The following NSMCE2 variants were observed in gnomAD, a reference collection of about 807,000 sequenced individuals.
NSMCE2 encodes NSE2 SUMO ligase component of SMC5/6 complex.
A neutral mutation model predicts 23.8 loss-of-function variants in NSMCE2; 24 were observed. That is an observed-to-expected ratio of 1.01 (90% CI 0.73 to 1.42). NSMCE2 has a LOEUF of 1.42. Among genes scored for constraint, NSMCE2 ranks in the 40% most tolerant of loss-of-function variants. The pLI is 0.00. For missense variants in NSMCE2, 284 were observed against 296.5 expected (o/e 0.96, Z 0.31); for synonymous variants, 92 against 94.1 (o/e 0.98, Z 0.13).
At chr8:125,272,703 T>TATATATATATATATA (rs2131093802) in intron 5 of NSMCE2, among the ~76,000 whole-genome samples, 2 of 123,678 alleles carry the variant, frequency 1.6e-5, no homozygotes, top group East Asian at 3.9e-4. Context: ...ACTTGGGATA[T>TATATATATATATATA]ATATATATAT....
intron 4 of NSMCE2, among the ~76,000 whole-genome samples, chr8:125,156,594 G>T (rs1821325748): frequency 6.6e-6 from 1 of 152,088 alleles, no homozygotes; most frequent in South Asian, 2.1e-4. Context: ...TTCGTTCATG[G>T]ATATGCCCTA....
At position 125,119,863 on chromosome 8, in the gene NSMCE2, ATTAT is replaced by A. The variant is rs148210527; in HGVS notation, c.157+17379_157+17382del. 6.5e-3 allele frequency among the ~76,000 whole-genome samples: 995 copies of A among 152,164 alleles called. 20 individuals carry two copies. Among genetic ancestry groups the A allele is most frequent in the African/African-American group, 0.023 (951 of 41,534 alleles). On this transcript the variant is annotated intron_variant, in intron 3 of 7. Transcript: ENST00000287437. ...CTTCTTTCTGTACTTTATAAATGAA[ATTAT>A]TTGTTATATATAAATGTAAAGCATT... is the stretch of plus-strand genomic sequence containing the variant.
intron 3 of NSMCE2, among the ~76,000 whole-genome samples, chr8:125,128,330 G>T (rs1272265900): frequency 6.6e-6 from 1 of 152,204 alleles, no homozygotes; most frequent in Non-Finnish European, 1.5e-5. Flanking sequence ...CAGCTATTAG[G>T]TAGTAGTGAC....
At chr8:125,211,646 T>C (rs1047907721) in intron 5 of NSMCE2, among the ~76,000 whole-genome samples, 9 of 152,170 alleles carry the variant, frequency 5.9e-5, no homozygotes, top group African/African-American at 2.4e-5. Context: ...TTTAGATTTT[T>C]ACTATGAAAG....
intron 5 of NSMCE2, among the ~76,000 whole-genome samples, chr8:125,337,900 AAAAAAG>A (rs1371862118): frequency 6.6e-6 from 1 of 151,000 alleles, no homozygotes; most frequent in Non-Finnish European, 1.5e-5. Context: ...AAAAAAAAAA[AAAAAAG>A]AAAGAAAGAA....
intron 5 of NSMCE2, among the ~76,000 whole-genome samples, chr8:125,341,042 G>C (rs946772306): frequency 6.6e-6 from 1 of 152,198 alleles, no homozygotes; most frequent in African/African-American, 2.4e-5. Context: ...AATTCAGAGA[G>C]AGGCTTTCCC....
intron 5 of NSMCE2, among the ~76,000 whole-genome samples, chr8:125,290,136 C>T (rs1828051770): frequency 6.6e-6 from 1 of 152,064 alleles, no homozygotes; most frequent in South Asian, 2.1e-4. Flanking sequence ...TAAAATCCAA[C>T]AGATGCATTT....
chr8:125,213,109 A>T (rs1003974312), intron 5 of NSMCE2, among the ~76,000 whole-genome samples: 1 of 152,218 alleles, frequency 6.6e-6, no homozygotes. Context: ...AAAGAAATTA[A>T]GTATTTGGCT....
intron 5 of NSMCE2, among the ~76,000 whole-genome samples, chr8:125,249,347 A>T (rs1826115496): frequency 6.6e-6 from 1 of 152,146 alleles, no homozygotes; most frequent in African/African-American, 2.4e-5. Context: ...GTAAGTTTGG[A>T]TGATAGCATC....
intron 7 of NSMCE2, among the ~76,000 whole-genome samples, chr8:125,364,589 T>C (rs73704952): frequency 0.029 from 4,402 of 152,350 alleles, 200 homozygotes; most frequent in African/African-American, 0.1. Context: ...AGCATAGGGC[T>C]GATCCCTAGA....
chr8:125,127,924 GGTTTGT>G (rs1819589503), intron 3 of NSMCE2, among the ~76,000 whole-genome samples: 2 of 152,166 alleles, frequency 1.3e-5, no homozygotes, highest in Non-Finnish European at 2.9e-5. Context: ...CATGAAACAA[GGTTTGT>G]GTTAAGTACT....
rs117854049 is a variant in NSMCE2 at position 125,321,390 on chromosome 8, T to C, written c.419-35829T>C. Among the ~76,000 whole-genome samples the C allele has an allele frequency of 7.7e-3, 1,177 of 152,308 alleles. 46 individuals carry two copies. The highest frequency in any genetic ancestry group is 0.062 in the Admixed American group (953 of 15,292). ...TAAGGCTAGCAGGGAGAAATGGAAT[T>C]ATACTGTTTTAAGGCTCTTACACTA... On this transcript the variant is annotated intron_variant, in intron 5 of 7. Coordinates refer to ENST00000287437, the MANE Select transcript of NSMCE2 (RefSeq NM_173685.4).
chr8:125,360,256 A>C (rs933827841), intron 7 of NSMCE2, among the ~76,000 whole-genome samples: 12 of 152,332 alleles, frequency 7.9e-5, no homozygotes, highest in African/African-American at 2.9e-4. Flanking sequence ...CAGGAAGTGC[A>C]GCAAGTGTGA....
chr8:125,234,869 TC>T (rs1226091903), intron 5 of NSMCE2, among the ~76,000 whole-genome samples: 1 of 152,120 alleles, frequency 6.6e-6, no homozygotes, highest in Non-Finnish European at 1.5e-5. Context: ...GTCCGCCTAA[TC>T]CCCACCCCAT....
chr8:125,182,078 C>G, intron 4 of NSMCE2, 25 bp from the exon 5 acceptor site: 1 of 1,522,392 alleles, frequency 6.6e-7, no homozygotes, highest in Non-Finnish European at 8.9e-7. Flanking sequence ...ACATTTAACT[C>G]AGGTAATTTT....
chr8:125,113,427 A>G (rs140622830), intron 3 of NSMCE2, among the ~76,000 whole-genome samples: 3 of 152,250 alleles, frequency 2.0e-5, no homozygotes, highest in Non-Finnish European at 4.4e-5. Context: ...CTACAGCAAG[A>G]TATGATTATA....
chr8:125,295,390 AAAATT>A (rs1828282380), intron 5 of NSMCE2, among the ~76,000 whole-genome samples: 1 of 152,206 alleles, frequency 6.6e-6, no homozygotes, highest in East Asian at 1.9e-4. Context: ...ATAAAATTAA[AAAATT>A]AAAAGTTGAA....
intron 5 of NSMCE2, among the ~76,000 whole-genome samples, chr8:125,253,440 C>A (rs2131019652): frequency 6.6e-6 from 1 of 152,292 alleles, no homozygotes; most frequent in East Asian, 1.9e-4. Context: ...GGAATTCCTG[C>A]AATATACCTT....
intron 5 of NSMCE2, among the ~76,000 whole-genome samples, chr8:125,200,240 C>T (rs1252634065): frequency 4.6e-5 from 7 of 152,088 alleles, no homozygotes; most frequent in Admixed American, 1.3e-4. Flanking sequence ...TTATTTTGCC[C>T]GTTAATTGAT....
Sources: gnomAD v4.1 joint callset for allele counts (sites outside exome capture counted in the v4.1 genomes callset) on GRCh38, gnomAD v4.1.1 for gene constraint, MANE v1.5 for transcripts, NCBI Gene and HGNC (gene_info 2026-07-23, HGNC 2026-07-21) for gene names.